LRRC4C: variants seen among roughly 807,000 people sequenced by gnomAD.
LRRC4C encodes leucine-rich repeat-containing protein 4C.
In LRRC4C, 5 loss-of-function variants were observed where a neutral mutation model predicts 33.6. The observed-to-expected ratio is 0.15, with a 90% CI of 0.08 to 0.31. The LOEUF (loss-of-function observed/expected upper bound fraction) is 0.31, where lower values mean the gene tolerates loss of function less well. LRRC4C is among the 10% of genes least tolerant of loss of function. LRRC4C has a pLI of 1.00. For synonymous variants in LRRC4C, 329 were observed against 302.0 expected, an observed-to-expected ratio of 1.09 and a Z score of -0.93; for missense variants, 560 against 796.7, an observed-to-expected ratio of 0.70 and a Z score of 3.58.
intron 3 of LRRC4C, among the ~76,000 whole-genome samples, chr11:40,425,107 T>C (rs1440959533): frequency 6.8e-6 from 1 of 147,598 alleles, no homozygotes; most frequent in East Asian, 2.1e-4. Flanking sequence ...AGAAGAGAAA[T>C]GAAGTCTCAT....
intron 1 of LRRC4C, among the ~76,000 whole-genome samples, chr11:41,286,299 G>A (rs182459279): frequency 5.3e-5 from 8 of 151,972 alleles, no homozygotes; most frequent in African/African-American, 1.7e-4. Context: ...ATTCTTTAAC[G>A]TTATACAGGA....
intron 1 of LRRC4C, among the ~76,000 whole-genome samples, chr11:41,130,760 A>C (rs2135833468): frequency 6.6e-6 from 1 of 152,104 alleles, no homozygotes; most frequent in South Asian, 2.1e-4. Context: ...TTGCAATATT[A>C]GAGTAAGTTC....
At chr11:40,215,100 AATG>A (rs1863881606) in intron 5 of LRRC4C, among the ~76,000 whole-genome samples, 1 of 152,148 alleles carries the variant, frequency 6.6e-6, no homozygotes, top group Admixed American at 6.6e-5. Flanking sequence ...TACTACAACT[AATG>A]ATATTACTAT....
chr11:41,003,096 T>G (rs558187524), intron 1 of LRRC4C, among the ~76,000 whole-genome samples: 3 of 152,136 alleles, frequency 2.0e-5, no homozygotes, highest in Non-Finnish European at 4.4e-5. Flanking sequence ...ATGCAAAAGA[T>G]GATTATTTTG....
intron 4 of LRRC4C, among the ~76,000 whole-genome samples, chr11:40,285,731 G>C (rs1400202533): frequency 1.3e-5 from 2 of 152,128 alleles, no homozygotes; most frequent in Non-Finnish European, 2.9e-5. Context: ...AGGGGAAAGG[G>C]AAACTGCAGA....
chr11:40,869,613 G>A (rs928492351), intron 2 of LRRC4C, among the ~76,000 whole-genome samples: 3 of 152,100 alleles, frequency 2.0e-5, no homozygotes, highest in Non-Finnish European at 2.9e-5. Context: ...TGGCTGGTAA[G>A]AGAACACTTC....
intron 2 of LRRC4C, among the ~76,000 whole-genome samples, chr11:40,894,662 T>G (rs1040707477): frequency 6.6e-6 from 1 of 152,144 alleles, no homozygotes; most frequent in Non-Finnish European, 1.5e-5. Flanking sequence ...CTTTCTGATA[T>G]TCAAGCTCTC....
intron 3 of LRRC4C, among the ~76,000 whole-genome samples, chr11:40,424,326 A>AT (rs1950634131): frequency 6.6e-6 from 1 of 152,086 alleles, no homozygotes; most frequent in African/African-American, 2.4e-5. Context: ...ATTTTCATGT[A>AT]TTTTTTCTCT....
intron 1 of LRRC4C, among the ~76,000 whole-genome samples, chr11:41,090,272 C>T (rs1940315442): frequency 6.6e-6 from 1 of 151,978 alleles, no homozygotes; most frequent in South Asian, 2.1e-4. Context: ...GAGTAATGAA[C>T]AACATCTGGA....
intron 2 of LRRC4C, among the ~76,000 whole-genome samples, chr11:40,734,245 T>G (rs150447799): frequency 1.6e-3 from 249 of 152,288 alleles, no homozygotes; most frequent in Non-Finnish European, 1.9e-3. Context: ...CTACAATTAT[T>G]AAACCCCCTG....
chr11:40,890,772 T>C (rs1955666243), intron 2 of LRRC4C, among the ~76,000 whole-genome samples: 1 of 152,012 alleles, frequency 6.6e-6, no homozygotes, highest in Non-Finnish European at 1.5e-5. Context: ...AAGTATGTCA[T>C]AACATACTTA....
chr11:40,156,026 T>C lies in LRRC4C; in HGVS notation c.-95-15173A>G, dbSNP rs141030705. On this transcript the variant is annotated intron_variant, in intron 5 of 6. Transcript: ENST00000528697. ...CCATGATCAAGTGTGTCTCATACCA[T>C]AGATGCAGGGATGGTTTAACATACG... 3.6e-3 allele frequency among the ~76,000 whole-genome samples: 552 copies of C among 152,212 alleles called. 6 individuals are homozygous for C. The highest frequency in any genetic ancestry group is 0.012 in the African/African-American group (508 of 41,556).
At chr11:40,459,090 G>T (rs749624539) in intron 3 of LRRC4C, among the ~76,000 whole-genome samples, 3 of 152,156 alleles carry the variant, frequency 2.0e-5, no homozygotes, top group Non-Finnish European at 2.9e-5. Flanking sequence ...CATGTTGATT[G>T]TCTCTAGACC....
chr11:40,382,683 C>CTTTTTTTTTT (rs1590541837), intron 3 of LRRC4C, among the ~76,000 whole-genome samples: 1 of 113,300 alleles, frequency 8.8e-6, no homozygotes. Flanking sequence ...AACTTGTACT[C>CTTTTTTTTTT]ATTTTTTTTT....
chr11:40,387,445 G>A (rs768033578), intron 3 of LRRC4C, among the ~76,000 whole-genome samples: 1 of 152,102 alleles, frequency 6.6e-6, no homozygotes, highest in Non-Finnish European at 1.5e-5. Context: ...TGCAGTCATA[G>A]GTTTCCTTCA....
chr11:40,970,782 A>G (rs960341428), intron 1 of LRRC4C, among the ~76,000 whole-genome samples: 46 of 152,150 alleles, frequency 3.0e-4, no homozygotes, highest in African/African-American at 1.1e-3. Context: ...GTGGACCCAG[A>G]TGGAAATGAG....
intron 1 of LRRC4C, among the ~76,000 whole-genome samples, chr11:41,427,504 T>C (rs1178768441): frequency 6.6e-6 from 1 of 152,160 alleles, no homozygotes; most frequent in Non-Finnish European, 1.5e-5. Context: ...TAATGTTGAT[T>C]AGAAAGCTGA....
At chr11:40,961,311 G>T (rs879415452) in intron 1 of LRRC4C, among the ~76,000 whole-genome samples, 4 of 151,638 alleles carry the variant, frequency 2.6e-5, no homozygotes, top group Non-Finnish European at 5.9e-5. Context: ...TGACAGAGTT[G>T]TTCTATTTTG....
At chr11:40,374,089 C>G (rs1948567446) in intron 3 of LRRC4C, among the ~76,000 whole-genome samples, 1 of 152,092 alleles carries the variant, frequency 6.6e-6, no homozygotes, top group South Asian at 2.1e-4. Flanking sequence ...TTAACAACAA[C>G]AAGCTTTGTC....
Sources: gnomAD v4.1 joint callset for allele counts (sites outside exome capture counted in the v4.1 genomes callset) on GRCh38, gnomAD v4.1.1 for gene constraint, MANE v1.5 for transcripts, NCBI Gene and HGNC (gene_info 2026-07-23, HGNC 2026-07-21) for gene names.